Variants in ALDH18A1 observed in about 807,000 individuals in gnomAD.
The protein encoded by ALDH18A1 is delta-1-pyrroline-5-carboxylate synthase.
A neutral mutation model predicts 88.8 loss-of-function variants in ALDH18A1; 44 were observed. That is an observed-to-expected ratio of 0.50 (90% confidence interval 0.39 to 0.64). ALDH18A1 has a LOEUF of 0.64. Among genes scored for constraint, ALDH18A1 ranks in the 30% least tolerant of loss-of-function variants. The probability of loss-of-function intolerance (pLI) is 0.00; values close to 1 mark genes in which losing one functional copy is unlikely to be tolerated. For synonymous variants in ALDH18A1, 331 were observed against 372.1 expected (o/e 0.89, Z 1.27); for missense variants, 782 against 1,009.5 (o/e 0.77, Z 3.05).
chr10:95,626,942 A>C (rs987771133), intron 9 of ALDH18A1, among the ~76,000 whole-genome samples, 166 bp from the exon 10 acceptor site: 4 of 152,234 alleles, frequency 2.6e-5, no homozygotes, highest in African/African-American at 9.6e-5. Flanking sequence ...CATGACCAAT[A>C]AAATAGCAAA....
intron 17 of ALDH18A1, among the ~76,000 whole-genome samples, chr10:95,609,767 C>CTTTTTTTTTTTT (rs1193875091): frequency 1.1e-3 from 33 of 30,648 alleles, no homozygotes; most frequent in Admixed American, 2.0e-3. Context: ...AAGTCTGTCT[C>CTTTTTTTTTTTT]TATTTTTTTT....
intron 13 of ALDH18A1, among the ~76,000 whole-genome samples, chr10:95,615,492 T>C (rs559578120): frequency 7.9e-5 from 12 of 151,444 alleles, no homozygotes; most frequent in African/African-American, 2.9e-4. Flanking sequence ...TGGTTATACA[T>C]GTGTGTGTGT....
At chr10:95,616,794 C>G (rs1589492868) in intron 12 of ALDH18A1, 180 bp from the exon 13 acceptor site, 6 of 821,506 alleles carry the variant, frequency 7.3e-6, no homozygotes, top group South Asian at 4.7e-5. Context: ...CCCTACTTTA[C>G]AGATAAGGGC....
rs1238983464 is a variant in ALDH18A1 at position 95,621,129 on chromosome 10, G to A, written c.1369C>T (p.Arg457Cys). The change falls in exon 12 of 18, where the codon CGC becomes TGC. Residue 457 changes from arginine to cysteine, a missense_variant. Physicochemically the swap from Arg to Cys is radical, Grantham distance 180 (BLOSUM62 -3). Around this residue, in one of 3 missense-constraint regions of ALDH18A1, gnomAD observed 556 missense variants for 654.5 expected, o/e 0.85. Transcript: ENST00000371224. ...SQDSVGRVLR[R>C]TRIAKNLELE... ...TCCAAGTTTTTGGCGATTCGGGTGC[G>A]GCGCAAAACACGTCCCACGCTGTCC... The A allele has an allele frequency of 5.0e-6, 8 of 1,613,968 alleles. No individual in the cohort carries two copies. The highest frequency in any genetic ancestry group is 3.3e-5 in the South Asian group (3 of 91,066).
At position 95,626,739 on chromosome 10, in the gene ALDH18A1, A is replaced by G; in HGVS notation, c.1116T>C (p.Ser372=). 2 of 1,613,996 alleles carry G rather than the reference A, an allele frequency of 1.2e-6. No individual in the cohort carries two copies. The highest frequency in any genetic ancestry group is 1.7e-6 in the Non-Finnish European group (2 of 1,179,930). ...CCAAGGTGGCCAACATCCTTCCTCC[A>G]GATCGCGCCATTTCTCCCTGCTGCT... ...TVEQQGEMAR[S]GGRMLATLEP... Residue 372 remains serine, a synonymous_variant, in exon 10 of 18, where the codon TCT becomes TCC. Transcript: ENST00000371224.
At chr10:95,655,681 AGTGTGTGT>A (rs3838754) in intron 1 of ALDH18A1, among the ~76,000 whole-genome samples, 2,780 of 150,270 alleles carry the variant, frequency 0.018, 85 homozygotes, top group African/African-American at 0.065. Flanking sequence ...GAGCAAAGAG[AGTGTGTGT>A]GTGTGTGTGT....
chr10:95,645,401 T>C (rs1208595768), intron 2 of ALDH18A1, among the ~76,000 whole-genome samples: 2 of 152,202 alleles, frequency 1.3e-5, no homozygotes, highest in African/African-American at 2.4e-5. Context: ...ATATTGTCTG[T>C]CTATAAATTA....
intron 2 of ALDH18A1, among the ~76,000 whole-genome samples, chr10:95,649,707 C>A (rs2097907148): frequency 6.6e-6 from 1 of 151,890 alleles, no homozygotes; most frequent in African/African-American, 2.4e-5. Flanking sequence ...ATGGCAAAAC[C>A]CTGTCTCAAC....
At chr10:95,641,835 T>A (rs1338754041) in intron 3 of ALDH18A1, among the ~76,000 whole-genome samples, 3 of 151,340 alleles carry the variant, frequency 2.0e-5, no homozygotes, top group African/African-American at 7.3e-5. Flanking sequence ...GAGATGGGGG[T>A]CTCACTATGT....
chr10:95,630,642 C>T (rs1228786039), intron 7 of ALDH18A1, among the ~76,000 whole-genome samples: 4 of 151,886 alleles, frequency 2.6e-5, no homozygotes, highest in Non-Finnish European at 2.9e-5. Flanking sequence ...ACCCAGGAGG[C>T]GGAGGTTGCA....
rs781554600 is a variant in ALDH18A1 at position 95,613,759 on chromosome 10, T to C, written c.1906A>G (p.Met636Val). 6.2e-7 allele frequency: 1 copy of C among 1,614,174 alleles called. No homozygotes were observed. Among genetic ancestry groups the C allele is most frequent in the South Asian group, 1.1e-5 (1 of 91,088 alleles). Reference protein sequence around the residue: ...RTPLFDQIIDMLRVEQVKIHA... With the variant: ...RTPLFDQIIDVLRVEQVKIHA... The stretch of plus-strand genomic sequence containing the variant: ...ACTCTTACCTGTTCCACTCTCAGCA[T>C]ATCAATGATCTGGTCAAATAATGGT... Residue 636 changes from methionine (M) to valine (V), a missense_variant, in exon 15 of 18, where the codon ATG becomes GTG. Physicochemically the swap from Met to Val is conservative, Grantham distance 21. Coordinates refer to ENST00000371224, the MANE Select transcript of ALDH18A1 (RefSeq NM_002860.4).
intron 16 of ALDH18A1, 33 bp downstream of exon 16, chr10:95,611,223 G>C (rs775857331): frequency 1.2e-6 from 2 of 1,612,560 alleles, no homozygotes; most frequent in African/African-American, 2.7e-5. Flanking sequence ...AGCAAAGGCA[G>C]ACACTGTATG....
chr10:95,648,486 A>T (rs757946985), intron 2 of ALDH18A1, among the ~76,000 whole-genome samples: 12 of 152,170 alleles, frequency 7.9e-5, no homozygotes, highest in Non-Finnish European at 1.2e-4. Flanking sequence ...ATTTACCAGC[A>T]TTGCCAGATT....
At chr10:95,645,322 T>C (rs2097899392) in intron 2 of ALDH18A1, among the ~76,000 whole-genome samples, 3 of 152,268 alleles carry the variant, frequency 2.0e-5, no homozygotes, top group Admixed American at 2.0e-4. Context: ...AAGCCACCTT[T>C]TGAACCACTG....
At chr10:95,645,241 G>A (rs1158124766) in intron 2 of ALDH18A1, among the ~76,000 whole-genome samples, 2 of 152,086 alleles carry the variant, frequency 1.3e-5, no homozygotes, top group East Asian at 1.9e-4. Context: ...GCAATTCCCT[G>A]GAAAGACTTT....
rs1164994262 is a variant in ALDH18A1 at position 95,625,451 on chromosome 10, G to A, written c.1157C>T (p.Ala386Val). The A allele has an allele frequency of 6.2e-7, 1 of 1,612,862 alleles. No individual in the cohort carries two copies. The highest frequency in any genetic ancestry group is 1.7e-5 in the Admixed American group (1 of 59,972). Residue 386 changes from alanine to valine, a missense_variant, in exon 11 of 18, where the codon GCA becomes GTA. Ala to Val is a moderately conservative substitution (Grantham distance 64, BLOSUM62 0). Coordinates refer to ENST00000371224, the MANE Select transcript of ALDH18A1 (RefSeq NM_002860.4). ...ATCAGCCAGATGATGGATAATTTCTGCTCTCTAGAAGAAAGGTACACCATT... is the reference window on the plus strand; with the variant it reads ...ATCAGCCAGATGATGGATAATTTCTACTCTCTAGAAGAAAGGTACACCATT... The part of the protein sequence containing the change: ...MLATLEPEQR[A>V]EIIHHLADLL...
chr10:95,626,536 A>C (rs974702635), intron 10 of ALDH18A1, among the ~76,000 whole-genome samples, 167 bp downstream of exon 10: 1 of 152,184 alleles, frequency 6.6e-6, no homozygotes, highest in African/African-American at 2.4e-5. Flanking sequence ...ACGGAAAATA[A>C]AATTAAGAAA....
At chr10:95,655,506 T>C (rs911664116) in intron 1 of ALDH18A1, among the ~76,000 whole-genome samples, 4 of 151,994 alleles carry the variant, frequency 2.6e-5, no homozygotes, top group African/African-American at 4.8e-5. Context: ...TTTACCTCTC[T>C]ATTAACCAAG....
At chr10:95,656,455 A>C (rs1237596227) in intron 1 of ALDH18A1, 142 bp downstream of exon 1, 1 of 152,230 alleles carries the variant, frequency 6.6e-6, no homozygotes, top group Non-Finnish European at 1.5e-5. Flanking sequence ...CCCATGGGCC[A>C]GATCCCCGGG....
Sources: gnomAD v4.1 joint callset for allele counts (sites outside exome capture counted in the v4.1 genomes callset) on GRCh38, gnomAD v4.1.1 for gene constraint, gnomAD v4.1.1 regional missense constraint, MANE v1.5 for transcripts, NCBI Gene and HGNC (gene_info 2026-07-23, HGNC 2026-07-21) for gene names.